ANO1: variants seen among roughly 807,000 people sequenced by gnomAD.
ANO1 encodes the protein anoctamin-1.
ANO1 carries 59 observed loss-of-function variants against 124.0 expected under a neutral mutation model. The ratio of observed to expected loss-of-function variants is 0.48; its 90% CI spans 0.39 to 0.59. The LOEUF is 0.59. ANO1 is among the 20% of genes least tolerant of loss of function. ANO1 has a pLI of 0.00. For synonymous variants in ANO1, 529 were observed against 532.0 expected (o/e 0.99, Z 0.08); for missense variants, 1,059 against 1,328.0 (o/e 0.80, Z 3.15).
At chr11:70,069,464 T>G (rs782016791) in intron 1 of ANO1, among the ~76,000 whole-genome samples, 1 of 152,162 alleles carries the variant, frequency 6.6e-6, no homozygotes. Context: ...CCCCACTCTG[T>G]TTGGTCCCCA....
intron 1 of ANO1, among the ~76,000 whole-genome samples, chr11:70,029,229 G>A (rs1480725597): frequency 6.6e-6 from 1 of 152,176 alleles, no homozygotes; most frequent in East Asian, 1.9e-4. Flanking sequence ...TGGTGGGGTT[G>A]TCCTGTGGTG....
intron 1 of ANO1, among the ~76,000 whole-genome samples, chr11:70,086,542 T>G (rs1302902040): frequency 6.6e-6 from 1 of 152,208 alleles, no homozygotes; most frequent in East Asian, 1.9e-4. Flanking sequence ...AGTGGCTCAC[T>G]GTCCTCTGCA....
chr11:70,043,352 A>G (rs976574374), intron 1 of ANO1, among the ~76,000 whole-genome samples: 1 of 152,238 alleles, frequency 6.6e-6, no homozygotes, highest in African/African-American at 2.4e-5. Context: ...AACAATACCA[A>G]GTAGTCCAAC....
chr11:70,089,994 TG>T (rs368710398), intron 2 of ANO1, among the ~76,000 whole-genome samples: 137,137 of 150,860 alleles, frequency 0.91, 62,064 homozygotes, highest in East Asian at 0.98. Flanking sequence ...CCCCAGGGTT[TG>T]TTTGTTTGTT....
intron 4 of ANO1, among the ~76,000 whole-genome samples, chr11:70,104,370 C>T (rs562420886): frequency 3.3e-5 from 5 of 152,214 alleles, no homozygotes; most frequent in East Asian, 1.9e-4. Flanking sequence ...TGCTTGGTGA[C>T]GCAGGAAAAA....
chr11:70,057,593 A>C (rs1365415235), intron 1 of ANO1, among the ~76,000 whole-genome samples: 2 of 152,224 alleles, frequency 1.3e-5, no homozygotes, highest in Non-Finnish European at 1.5e-5. Context: ...TTACAGTTAA[A>C]GGGGGTTTTC....
In ANO1 at chr11:70,056,847, T is replaced by TC. The variant is rs1491392551; in HGVS notation, c.59-21693dup. ...TTTTACATCTTTTTTTTTTTTTTTTTCCTGTGCTTCAATTTCAATGCTTTC... is the reference window on the plus strand; with the variant it reads ...TTTTACATCTTTTTTTTTTTTTTTTTCCCTGTGCTTCAATTTCAATGCTTTC... On this transcript the variant is annotated intron_variant, in intron 1 of 27. Coordinates refer to the ANO1 transcript ENST00000531349. 1.4e-3 allele frequency among the ~76,000 whole-genome samples: 191 copies of TC among 132,558 alleles called. 1 individual carries two copies. Among genetic ancestry groups the TC allele is most frequent in the African/African-American group, 5.0e-3 (184 of 36,744 alleles). 87.0% of individuals were successfully genotyped at this position (132,558 alleles called of 152,430 possible). A position where few individuals can be genotyped will look rare whatever the true frequency, so the allele number is the denominator to read the frequency against.
intron 1 of ANO1, among the ~76,000 whole-genome samples, chr11:70,081,551 A>G (rs879597137): frequency 4.6e-5 from 7 of 152,276 alleles, no homozygotes; most frequent in Non-Finnish European, 1.0e-4. Context: ...GAAATTTTAC[A>G]GGCCACTGAT....
intron 11 of ANO1, 123 bp from the exon 12 acceptor site, chr11:70,149,587 T>C: frequency 1.0e-6 from 1 of 991,716 alleles, no homozygotes; most frequent in East Asian, 2.7e-5. Flanking sequence ...GGAGGCGAGA[T>C]TGCAGTGGGT....
intron 1 of ANO1, among the ~76,000 whole-genome samples, chr11:70,036,332 C>T (rs554179950): frequency 3.9e-5 from 6 of 152,236 alleles, no homozygotes; most frequent in African/African-American, 1.4e-4. Flanking sequence ...TACAGTTGTC[C>T]CTGGATTTGG....
At chr11:70,040,033 C>T (rs1471383498) in intron 1 of ANO1, among the ~76,000 whole-genome samples, 1 of 152,090 alleles carries the variant, frequency 6.6e-6, no homozygotes, top group African/African-American at 2.4e-5. Context: ...AAATTAATGT[C>T]GATCCTGGGT....
At chr11:70,058,138 T>A (rs1857483775) in intron 1 of ANO1, among the ~76,000 whole-genome samples, 1 of 152,076 alleles carries the variant, frequency 6.6e-6, no homozygotes, top group African/African-American at 2.4e-5. Context: ...TTGTATGAAT[T>A]GAGAAACTAA....
At chr11:69,966,924 A>C in the ANO1 span, among the ~76,000 whole-genome samples, 1 of 152,270 alleles carries the variant, frequency 6.6e-6, no homozygotes, top group South Asian at 2.1e-4. Context: ...AATGATCACA[A>C]ACCCTAGAGC....
At chr11:69,977,666 G>T in the ANO1 span, among the ~76,000 whole-genome samples, 4 of 152,330 alleles carry the variant, frequency 2.6e-5, no homozygotes, top group African/African-American at 9.6e-5. Context: ...TGCCAGGGTG[G>T]CCTGGGGACA....
intron 21 of ANO1, 113 bp downstream of exon 21, chr11:70,167,500 C>T (rs1347147409): frequency 5.8e-6 from 8 of 1,384,248 alleles, no homozygotes; most frequent in Non-Finnish European, 7.7e-6. Context: ...CGGTGCCCAG[C>T]GTCCCTCCAT....
intron 23 of ANO1, among the ~76,000 whole-genome samples, chr11:70,181,535 G>C (rs1015639797): frequency 2.0e-5 from 3 of 152,268 alleles, no homozygotes; most frequent in African/African-American, 7.2e-5. Flanking sequence ...GCTGGAGTGG[G>C]TGGAGCTGGG....
intron 11 of ANO1, 40 bp from the exon 12 acceptor site, chr11:70,149,669 CT>C: frequency 6.4e-7 from 1 of 1,562,288 alleles, no homozygotes; most frequent in Non-Finnish European, 8.7e-7. Flanking sequence ...AAAAAAATGC[CT>C]TTATGTCATC....
intron 10 of ANO1, 88 bp downstream of exon 10, chr11:70,126,283 C>T: frequency 6.9e-7 from 1 of 1,446,912 alleles, no homozygotes; most frequent in South Asian, 1.4e-5. Flanking sequence ...GGGACACTGG[C>T]CTCTCACACC....
chr11:70,151,659 C>T (rs2047606904), intron 12 of ANO1, among the ~76,000 whole-genome samples: 1 of 152,164 alleles, frequency 6.6e-6, no homozygotes, highest in Non-Finnish European at 1.5e-5. Context: ...TGGGCACACA[C>T]AGTGCCAAGG....
Sources: gnomAD v4.1 joint callset for allele counts (sites outside exome capture counted in the v4.1 genomes callset) on GRCh38, gnomAD v4.1.1 for gene constraint, MANE v1.5 for transcripts, NCBI Gene and HGNC (gene_info 2026-07-23, HGNC 2026-07-21) for gene names.